Variants in DLGAP2 observed in about 807,000 individuals in gnomAD.
The protein encoded by DLGAP2 is DLG associated protein 2, also known as disks large-associated protein 2.
A neutral mutation model predicts 100.3 loss-of-function variants in DLGAP2; 26 were observed. The observed-to-expected ratio is 0.26, with a 90% CI of 0.19 to 0.36. The LOEUF (loss-of-function observed/expected upper bound fraction) is 0.36. Among genes scored for constraint, DLGAP2 ranks in the 10% least tolerant of loss-of-function variants. The pLI is 1.00. For synonymous variants in DLGAP2, 886 were observed against 630.1 expected, an observed-to-expected ratio of 1.41 and a Z score of -6.08; for missense variants, 1,858 against 1,453.2, an observed-to-expected ratio of 1.28 and a Z score of -4.53.
Position 1,155,978 on chromosome 8 carries a change from G to A in DLGAP2, c.74-102873G>A, listed in dbSNP as rs1351794194. ...GTCCCGTTCCTGCGCTGCCCCTGAC[G>A]GAGTCCCCGTCGCAGAGGGCCTGTG... On this transcript the variant is annotated intron_variant, in intron 2 of 14. Transcript: ENST00000637795. Among the ~76,000 whole-genome samples the A allele has an allele frequency of 2.0e-5, 3 of 152,174 alleles. No homozygotes were observed. In the East Asian group the frequency reaches 5.8e-4, roughly 29 times the overall value.
chr8:1,387,186 G>A (rs866003882), intron 3 of DLGAP2, among the ~76,000 whole-genome samples: 4 of 152,190 alleles, frequency 2.6e-5, no homozygotes, highest in Admixed American at 2.0e-4. Context: ...GGAGGTGAGG[G>A]CTTGTCTGTG....
intron 2 of DLGAP2, among the ~76,000 whole-genome samples, chr8:949,554 A>G (rs1281421361): frequency 6.6e-6 from 1 of 152,180 alleles, no homozygotes; most frequent in Admixed American, 6.5e-5. Flanking sequence ...CTGCCGGGGC[A>G]GGACCCCACA....
chr8:881,158 A>G (rs913096913), intron 1 of DLGAP2, among the ~76,000 whole-genome samples: 1 of 152,246 alleles, frequency 6.6e-6, no homozygotes, highest in Non-Finnish European at 1.5e-5. Context: ...CTTTCTTCTT[A>G]AAACAATTCA....
chr8:972,870 C>G (rs1395749310), intron 2 of DLGAP2, among the ~76,000 whole-genome samples: 1 of 152,156 alleles, frequency 6.6e-6, no homozygotes, highest in Non-Finnish European at 1.5e-5. Flanking sequence ...GCACATCTTG[C>G]ACCGCCCTTA....
intron 6 of DLGAP2, among the ~76,000 whole-genome samples, chr8:1,572,176 T>A (rs1802739001): frequency 9.2e-6 from 1 of 108,684 alleles, no homozygotes; most frequent in Non-Finnish European, 1.8e-5. Context: ...TGTGGGGGTG[T>A]CTGATGAGAT....
chr8:1,288,984 C>A (rs1191286640), intron 3 of DLGAP2, among the ~76,000 whole-genome samples: 1 of 152,172 alleles, frequency 6.6e-6, no homozygotes. Context: ...ATTAGAGTTA[C>A]TGAATTTAAG....
chr8:1,623,858 G>A (rs1047716988), intron 6 of DLGAP2, among the ~76,000 whole-genome samples: 1 of 152,200 alleles, frequency 6.6e-6, no homozygotes, highest in African/African-American at 2.4e-5. Flanking sequence ...TAGCTATTGT[G>A]AGTCTATGTT....
chr8:1,548,839 C>T lies in DLGAP2; in HGVS notation c.386C>T (p.Pro129Leu), dbSNP rs777380843. Residue 129 changes from proline to leucine, a missense_variant, in exon 5 of 15, where the codon CCC (proline) becomes CTC (leucine). Physicochemically the swap from Pro to Leu is moderately conservative, Grantham distance 98. Transcript: ENST00000637795. ...CTGCTGAGCCCCGCCGACAGCTGCC[C>T]CGGGGGGCGCCACCGCTGCTCGCCG... is the stretch of plus-strand genomic sequence containing the variant. Reference protein sequence around the residue: ...PYLLSPADSCPGGRHRCSPRS... With the variant: ...PYLLSPADSCLGGRHRCSPRS... The T allele has an allele frequency of 4.4e-6, 7 of 1,579,796 alleles. No homozygotes were observed. The South Asian group carries it at 5.6e-5, about 13-fold the overall frequency.
chr8:848,973 C>T (rs904545080), intron 1 of DLGAP2, among the ~76,000 whole-genome samples: 8 of 149,944 alleles, frequency 5.3e-5, no homozygotes, highest in African/African-American at 1.8e-4. Context: ...AGCATAGGAT[C>T]GTGAGGTGCC....
intron 4 of DLGAP2, among the ~76,000 whole-genome samples, chr8:1,507,807 T>TCCCCCCCCCCCCCCCCCCCC (rs1799984986): frequency 2.1e-5 from 1 of 48,438 alleles, no homozygotes; most frequent in African/African-American, 5.7e-5. Flanking sequence ...CCACCCTCCC[T>TCCCCCCCCCCCCCCCCCCCC]CCACCCACCA....
At chr8:1,444,571 G>A (rs1797928913) in intron 3 of DLGAP2, among the ~76,000 whole-genome samples, 1 of 151,944 alleles carries the variant, frequency 6.6e-6, no homozygotes, top group South Asian at 2.1e-4. Flanking sequence ...AGAGCACATT[G>A]ACAATGCTCC....
chr8:1,440,938 C>T (rs1465200869), intron 3 of DLGAP2, among the ~76,000 whole-genome samples: 1 of 152,160 alleles, frequency 6.6e-6, no homozygotes, highest in African/African-American at 2.4e-5. Flanking sequence ...TTTATAAAAA[C>T]AAATTTAATG....
intron 3 of DLGAP2, among the ~76,000 whole-genome samples, chr8:1,431,136 G>C (rs1362246224): frequency 6.6e-6 from 1 of 152,210 alleles, no homozygotes; most frequent in Non-Finnish European, 1.5e-5. Flanking sequence ...AGTGTACAGA[G>C]AACAGAAACA....
chr8:1,304,284 C>G (rs1277160529), intron 3 of DLGAP2, among the ~76,000 whole-genome samples: 1 of 152,200 alleles, frequency 6.6e-6, no homozygotes, highest in Non-Finnish European at 1.5e-5. Flanking sequence ...CACCGTGGCC[C>G]CACACCCAGG....
In DLGAP2 at chr8:837,827, C is replaced by T. The variant is rs376219525; in HGVS notation, c.19-70085C>T. ...TGCCTCCCGGGTTCAAGCAATTCTC[C>T]TGCCTCATCCTCCTGAGTAGCTGGG... On this transcript the variant is annotated intron_variant, in intron 1 of 14. Transcript: ENST00000637795. Among the ~76,000 whole-genome samples, 24 of 150,818 alleles carry T rather than the reference C, an allele frequency of 1.6e-4. 1 individual carries two copies. In the South Asian group the frequency reaches 3.7e-3, roughly 24 times the overall value.
chr8:905,682 T>A (rs916931252), intron 1 of DLGAP2, among the ~76,000 whole-genome samples: 5 of 152,072 alleles, frequency 3.3e-5, no homozygotes, highest in Non-Finnish European at 1.5e-5. Flanking sequence ...ATCGTCAGAA[T>A]CCAGGGTTTG....
chr8:1,543,961 G>T (rs1005539201), intron 4 of DLGAP2, among the ~76,000 whole-genome samples: 1 of 151,798 alleles, frequency 6.6e-6, no homozygotes, highest in Non-Finnish European at 1.5e-5. Context: ...GGAGTGCAGT[G>T]ATGCAAGCTT....
At chr8:1,623,008 C>T (rs575023321) in intron 6 of DLGAP2, among the ~76,000 whole-genome samples, 1 of 152,332 alleles carries the variant, frequency 6.6e-6, no homozygotes, top group African/African-American at 2.4e-5. Flanking sequence ...GAGTTTTGAT[C>T]TGTGACTGTG....
chr8:756,111 A>C (rs994819335), intron 1 of DLGAP2, among the ~76,000 whole-genome samples: 4 of 152,114 alleles, frequency 2.6e-5, no homozygotes, highest in Admixed American at 2.6e-4. Flanking sequence ...TAATAGTCAT[A>C]AGAACACGCT....
Sources: allele counts gnomAD v4.1 joint callset (sites outside exome capture counted in the v4.1 genomes callset), GRCh38; gene constraint gnomAD v4.1.1; transcripts MANE v1.5; gene names NCBI Gene and HGNC (gene_info 2026-07-23, HGNC 2026-07-21).